The following ACACB variants were observed in gnomAD, a reference collection of about 807,000 sequenced individuals.
The protein encoded by ACACB is acetyl-CoA carboxylase beta.
In ACACB, 209 loss-of-function variants were observed where a neutral mutation model predicts 278.8. That is an observed-to-expected ratio of 0.75 (90% CI 0.67 to 0.84). ACACB has a LOEUF of 0.84. Among genes scored for constraint, ACACB ranks in the 40% least tolerant of loss-of-function variants. The pLI is 0.00. For missense variants in ACACB, 2,850 were observed against 3,269.0 expected, an observed-to-expected ratio of 0.87 and a Z score of 3.13; for synonymous variants, 1,174 against 1,285.6, an observed-to-expected ratio of 0.91 and a Z score of 1.86.
intron 12 of ACACB, 112 bp from the exon 13 acceptor site, chr12:109,187,887 C>T: frequency 8.1e-7 from 1 of 1,242,102 alleles, no homozygotes; most frequent in South Asian, 1.7e-5. Context: ...ATTGACTACC[C>T]TAAGCTTTTG....
At chr12:109,171,642 G>T (rs754555818) in intron 4 of ACACB, among the ~76,000 whole-genome samples, 163 bp from the exon 5 acceptor site, 1 of 152,096 alleles carries the variant, frequency 6.6e-6, no homozygotes, top group Non-Finnish European at 1.5e-5. Context: ...GAGCCACCAC[G>T]CCTGGCCTTC....
rs573982670 is a variant in ACACB, at chr12:109,221,000, C to T, written c.3565-1507C>T. 3.2e-4 allele frequency among the ~76,000 whole-genome samples: 48 copies of T among 152,268 alleles called. No homozygotes were observed. The South Asian group carries it at 9.5e-3, about 30-fold the overall frequency. On this transcript the variant is annotated intron_variant, in intron 24 of 52. Coordinates refer to ENST00000338432, the MANE Select transcript of ACACB (RefSeq NM_001093.4). ...TTGAGTTTTTCACCTCTTAGAAAAG[C>T]ACCAGTCTAGCTGCTGGCCAGCACC...
chr12:109,214,290 T>C (rs1457393304), intron 22 of ACACB, among the ~76,000 whole-genome samples: 1 of 152,028 alleles, frequency 6.6e-6, no homozygotes, highest in Non-Finnish European at 1.5e-5. Context: ...AATCAAAGCA[T>C]TCTTGGATTT....
chr12:109,215,765 C>CAA (rs914624632), intron 22 of ACACB, among the ~76,000 whole-genome samples: 2 of 144,510 alleles, frequency 1.4e-5, no homozygotes, highest in African/African-American at 5.0e-5. Context: ...GACTCTGTTT[C>CAA]AAAAAAAAAA....
chr12:109,252,284 T>C (rs2047117782), intron 42 of ACACB, 128 bp downstream of exon 42: 1 of 612,904 alleles, frequency 1.6e-6, no homozygotes, highest in Admixed American at 3.7e-5. Flanking sequence ...ATACAAGAGC[T>C]CTTTTTTTCC....
intron 1 of ACACB, among the ~76,000 whole-genome samples, chr12:109,138,613 G>A (rs1206650487): frequency 2.6e-5 from 4 of 151,986 alleles, no homozygotes; most frequent in South Asian, 2.1e-4. Flanking sequence ...GGTGGGTCAC[G>A]TCTGTAATCC....
intron 37 of ACACB, 112 bp downstream of exon 37, chr12:109,242,704 C>A: frequency 7.4e-7 from 1 of 1,353,842 alleles, no homozygotes; most frequent in Non-Finnish European, 1.0e-6. Context: ...AGGACAAGGT[C>A]TTGCCAGGTG....
intron 49 of ACACB, chr12:109,263,934 G>C: frequency 3.2e-6 from 1 of 311,740 alleles, no homozygotes. Context: ...GTTGAATGCT[G>C]TCTTGCAATT....
At chr12:109,138,179 C>T (rs1025905703) in intron 1 of ACACB, among the ~76,000 whole-genome samples, 7 of 152,334 alleles carry the variant, frequency 4.6e-5, no homozygotes, top group East Asian at 3.9e-4. Context: ...GCTGGGATTA[C>T]AGGCATGAGC....
intron 2 of ACACB, among the ~76,000 whole-genome samples, chr12:109,154,054 A>C (rs982440556): frequency 6.6e-6 from 1 of 152,220 alleles, no homozygotes; most frequent in Admixed American, 6.5e-5. Context: ...CAGTTTCCTT[A>C]TCTGTATTAT....
chr12:109,179,325 C>A (rs758774095), intron 10 of ACACB, 28 bp downstream of exon 10: 7 of 1,602,584 alleles, frequency 4.4e-6, no homozygotes, highest in Non-Finnish European at 6.0e-6. Context: ...CAGGGGGCAG[C>A]TTCAGAGAGA....
At position 109,256,350 on chromosome 12, in the gene ACACB, C is replaced by A. The variant is rs571581447; in HGVS notation, c.6263+114C>A. 9.9e-6 allele frequency: 8 copies of A among 809,784 alleles called. No individual in the cohort carries two copies. In the Admixed American group the frequency reaches 1.7e-4, roughly 17 times the overall value. The allele number at this position is 809,784 out of a possible 1,614,324, so 50.2% of individuals were successfully genotyped here. A position where few individuals can be genotyped will look rare whatever the true frequency, so the allele number is the denominator to read the frequency against. ...ATTTTCTTCTTGGCCTCAGGATTTT[C>A]TAAAAGAAAAAACCAATTTGGGGAA... On this transcript the variant is annotated intron_variant, in intron 45 of 52. Transcript: ENST00000338432.
intron 28 of ACACB, 112 bp downstream of exon 28, chr12:109,227,601 C>A: frequency 1.0e-6 from 1 of 985,506 alleles, no homozygotes; most frequent in Non-Finnish European, 1.6e-6. Flanking sequence ...GCTGGGGAGA[C>A]ATCAGCGATA....
chr12:109,247,647 A>C lies in ACACB; in HGVS notation c.5613A>C (p.Arg1871Ser). ...ACCTGACTCCCCAAGACTACACCAG[A>C]ATCAGCTCCCTGAACTCCGTCCACT... ...YLYLTPQDYT[R>S]ISSLNSVHCK... is the part of the protein sequence containing the mutation. The change falls in exon 40 of 53, where the codon AGA becomes AGC. Residue 1871 changes from arginine (R) to serine (S), a missense_variant. Transcript: ENST00000338432. The C allele has an allele frequency of 6.2e-7, 1 of 1,614,052 alleles. No individual in the cohort carries two copies. The highest frequency in any genetic ancestry group is 8.5e-7 in the Non-Finnish European group (1 of 1,179,998).
chr12:109,247,539 G>T (rs943602353), intron 39 of ACACB, 67 bp from the exon 40 acceptor site: 21 of 1,022,674 alleles, frequency 2.1e-5, no homozygotes, highest in Admixed American at 8.7e-5. Context: ...TTCACATTAA[G>T]AAAAAAAAAA....
At chr12:109,157,607 T>C (rs1411790983) in intron 2 of ACACB, among the ~76,000 whole-genome samples, 1 of 152,160 alleles carries the variant, frequency 6.6e-6, no homozygotes, top group Admixed American at 6.5e-5. Context: ...TGGAAGTCGC[T>C]GGTCTTGAGT....
At position 109,205,784 on chromosome 12, in the gene ACACB, G is replaced by GC. The variant is rs2045485551; in HGVS notation, c.2914-925dup. On this transcript the variant is annotated intron_variant, in intron 19 of 52. Coordinates refer to ENST00000338432, the MANE Select transcript of ACACB (RefSeq NM_001093.4). ...ATCTCTTAAAAGGGGAGAAAAGCCTGCAGGGCTAGGGGTGGGGATGGGTGT... is the reference window on the plus strand; with the variant it reads ...ATCTCTTAAAAGGGGAGAAAAGCCTGCCAGGGCTAGGGGTGGGGATGGGTGT... Among the ~76,000 whole-genome samples, 4 of 152,050 alleles carry GC rather than the reference G, an allele frequency of 2.6e-5. No individual in the cohort carries two copies. In the South Asian group the frequency reaches 8.3e-4, roughly 32 times the overall value.
At chr12:109,128,181 C>T (rs1042523747) in intron 1 of ACACB, among the ~76,000 whole-genome samples, 4 of 152,238 alleles carry the variant, frequency 2.6e-5, no homozygotes, top group Non-Finnish European at 1.5e-5. Context: ...TGGAGTTTTG[C>T]TCTGTCGCCC....
chr12:109,175,357 T>G (rs1342246218), intron 7 of ACACB, among the ~76,000 whole-genome samples: 1 of 152,198 alleles, frequency 6.6e-6, no homozygotes, highest in Admixed American at 6.5e-5. Flanking sequence ...TTGGGATTTT[T>G]TTTTGGATTT....
Sources: allele counts gnomAD v4.1 joint callset (sites outside exome capture counted in the v4.1 genomes callset), GRCh38; gene constraint gnomAD v4.1.1; transcripts MANE v1.5; gene names NCBI Gene and HGNC (gene_info 2026-07-23, HGNC 2026-07-21).